ZCCHC14: variants seen among roughly 807,000 people sequenced by gnomAD.
ZCCHC14 encodes the protein zinc finger CCHC-type containing 14, also known as zinc finger CCHC domain-containing protein 14.
A neutral mutation model predicts 85.0 loss-of-function variants in ZCCHC14; 16 were observed. The observed-to-expected ratio is 0.19, with a 90% CI of 0.13 to 0.29. The LOEUF is 0.29. ZCCHC14 is among the 10% of genes least tolerant of loss of function. The pLI is 1.00. For missense variants in ZCCHC14, 1,303 were observed against 1,443.5 expected, an observed-to-expected ratio of 0.90 and a Z score of 1.58; for synonymous variants, 775 against 630.7, an observed-to-expected ratio of 1.23 and a Z score of -3.43.
At chr16:87,416,531 G>A (rs1173167157) in intron 8 of ZCCHC14, among the ~76,000 whole-genome samples, 7 of 152,088 alleles carry the variant, frequency 4.6e-5, no homozygotes, top group Admixed American at 2.0e-4. Flanking sequence ...ACCGAGGTGG[G>A]CAGATCATGA....
chr16:87,443,783 T>A (rs373538510), intron 2 of ZCCHC14, among the ~76,000 whole-genome samples: 4 of 151,622 alleles, frequency 2.6e-5, no homozygotes, highest in Admixed American at 6.6e-5. Context: ...ATGCCTATAA[T>A]CCCAGCACTT....
Position 87,407,725 on chromosome 16 carries a change from C to G in ZCCHC14, c.*2555G>C, listed in dbSNP as rs1305226109. On this transcript the variant is annotated 3_prime_UTR_variant, in exon 13 of 13. Transcript: ENST00000671377. ...ACAGACCACACTTTCAGGAAAATGA[C>G]TAAGTACTTGAAAGGGTCAGTATGT... 1 of 152,254 alleles carries G rather than the reference C, an allele frequency of 6.6e-6. No homozygotes were observed. Among genetic ancestry groups the G allele is most frequent in the African/African-American group, 2.4e-5 (1 of 41,462 alleles). The allele number at this position is 152,254 out of a possible 1,614,324, so 9.4% of individuals were successfully genotyped here.
chr16:87,415,934 T>G (rs868365835), intron 8 of ZCCHC14, among the ~76,000 whole-genome samples: 6 of 152,218 alleles, frequency 3.9e-5, no homozygotes, highest in East Asian at 1.9e-4. Flanking sequence ...TTGTTTGTTT[T>G]TTTGTTTTTT....
chr16:87,484,108 G>C (rs1789430212), intron 1 of ZCCHC14, among the ~76,000 whole-genome samples: 1 of 152,214 alleles, frequency 6.6e-6, no homozygotes, highest in Non-Finnish European at 1.5e-5. Context: ...GGTTTCTCTG[G>C]AAGGTTCTAC....
chr16:87,469,476 G>C (rs1380483069), intron 1 of ZCCHC14, among the ~76,000 whole-genome samples: 1 of 152,222 alleles, frequency 6.6e-6, no homozygotes, highest in South Asian at 2.1e-4. Flanking sequence ...GGAGCACAGC[G>C]GTCAGGAGCC....
intron 2 of ZCCHC14, among the ~76,000 whole-genome samples, chr16:87,441,849 G>C (rs1910201069): frequency 6.6e-6 from 1 of 152,228 alleles, no homozygotes; most frequent in Non-Finnish European, 1.5e-5. Flanking sequence ...GGGGACTCTG[G>C]TTCCAGGTAA....
At chr16:87,478,768 G>T (rs187236013) in intron 1 of ZCCHC14, among the ~76,000 whole-genome samples, 4 of 151,890 alleles carry the variant, frequency 2.6e-5, no homozygotes, top group African/African-American at 7.3e-5. Flanking sequence ...CACCACGCCC[G>T]GCTAATTTTT....
At chr16:87,444,793 T>G (rs147148879) in intron 2 of ZCCHC14, among the ~76,000 whole-genome samples, 8 of 152,172 alleles carry the variant, frequency 5.3e-5, no homozygotes, top group Non-Finnish European at 1.2e-4. Context: ...GGAGGCCAAA[T>G]GCACCCTGGG....
chr16:87,414,689 T>TC (rs1177070278), intron 9 of ZCCHC14, 148 bp from the exon 10 acceptor site: 8 of 1,163,158 alleles, frequency 6.9e-6, no homozygotes, highest in Non-Finnish European at 8.3e-6. Context: ...ACAGGGAAAT[T>TC]CCCCCCAGAG....
intron 1 of ZCCHC14, among the ~76,000 whole-genome samples, chr16:87,462,838 G>C (rs1325359343): frequency 6.6e-6 from 1 of 150,786 alleles, no homozygotes. Context: ...GGGAGGCCGA[G>C]GCAGGCAGAT....
At chr16:87,485,414 C>T (rs1388314042) in intron 1 of ZCCHC14, among the ~76,000 whole-genome samples, 2 of 152,140 alleles carry the variant, frequency 1.3e-5, no homozygotes, top group Non-Finnish European at 2.9e-5. Flanking sequence ...ACAATAAAAA[C>T]ATCTACAGAG....
chr16:87,472,648 C>G (rs1597447857), intron 1 of ZCCHC14: 2 of 152,316 alleles, frequency 1.3e-5, no homozygotes, highest in African/African-American at 4.8e-5. Flanking sequence ...ACCAACAACC[C>G]AATCTCAACA....
At chr16:87,440,486 G>A (rs752836859) in intron 2 of ZCCHC14, among the ~76,000 whole-genome samples, 6 of 151,984 alleles carry the variant, frequency 3.9e-5, no homozygotes, top group Admixed American at 6.6e-5. Flanking sequence ...TTTAGACAGA[G>A]AGATCAGGCA....
chr16:87,412,434 G>C lies in ZCCHC14; in HGVS notation c.2287C>G (p.Pro763Ala), dbSNP rs1490430209. 1.2e-6 allele frequency: 2 copies of C among 1,614,032 alleles called. No homozygotes were observed. Among genetic ancestry groups the C allele is most frequent in the Non-Finnish European group, 1.7e-6 (2 of 1,179,970 alleles). ...CGGGCGGCGTGGAGGACTGTGCTGGGCGTCCCCGTGGCGGCCGTGCTGGTC... is the reference window on the plus strand; with the variant it reads ...CGGGCGGCGTGGAGGACTGTGCTGGCCGTCCCCGTGGCGGCCGTGCTGGTC... ...VETSTAATGT[P>A]STVLHAARPP... Residue 763 changes from proline to alanine, a missense_variant, in exon 12 of 13, where the codon CCC becomes GCC. By Grantham distance (27) the Pro-to-Ala change is conservative. Transcript: ENST00000671377.
intron 3 of ZCCHC14, among the ~76,000 whole-genome samples, chr16:87,431,059 A>G (rs151131747): frequency 0.011 from 1,734 of 152,152 alleles, 28 homozygotes; most frequent in African/African-American, 0.039. Context: ...GGACTGCTTA[A>G]GCCCAGGAGA....
chr16:87,467,133 A>G, intron 1 of ZCCHC14: 1 of 942,224 alleles, frequency 1.1e-6, no homozygotes, highest in African/African-American at 1.7e-5. Context: ...GTGGTCCTCC[A>G]CCAGATCAGA....
At chr16:87,443,007 A>T (rs1910259779) in intron 2 of ZCCHC14, among the ~76,000 whole-genome samples, 1 of 152,242 alleles carries the variant, frequency 6.6e-6, no homozygotes, top group Non-Finnish European at 1.5e-5. Flanking sequence ...CAGAAGGAAA[A>T]TGAACGGGAA....
chr16:87,489,025 G>A (rs1912635597), intron 1 of ZCCHC14, among the ~76,000 whole-genome samples: 2 of 152,228 alleles, frequency 1.3e-5, no homozygotes, highest in African/African-American at 4.8e-5. Context: ...TAACGGGGCT[G>A]CTTTTTCAGG....
At chr16:87,469,566 A>G (rs1377675951) in intron 1 of ZCCHC14, among the ~76,000 whole-genome samples, 1 of 152,224 alleles carries the variant, frequency 6.6e-6, no homozygotes, top group Admixed American at 6.5e-5. Context: ...GCACCTACCT[A>G]AGGCTTTTGT....
Sources: allele counts gnomAD v4.1 joint callset (sites outside exome capture counted in the v4.1 genomes callset), GRCh38; gene constraint gnomAD v4.1.1; transcripts MANE v1.5; gene names NCBI Gene and HGNC (gene_info 2026-07-23, HGNC 2026-07-21).